The following BAZ2B variants were observed in gnomAD, a reference collection of about 807,000 sequenced individuals.
BAZ2B encodes the protein bromodomain adjacent to zinc finger domain 2B.
BAZ2B carries 91 observed loss-of-function variants against 246.0 expected under a neutral mutation model. The ratio of observed to expected loss-of-function variants is 0.37; its 90% CI spans 0.31 to 0.44. BAZ2B has a LOEUF of 0.44. Ranked by LOEUF, BAZ2B falls within the 20% of genes least tolerant of loss-of-function variation. BAZ2B has a pLI of 1.00. For synonymous variants in BAZ2B, 855 were observed against 860.0 expected (o/e 0.99, Z 0.10); for missense variants, 2,332 against 2,533.7 (o/e 0.92, Z 1.71).
intron 27 of BAZ2B, among the ~76,000 whole-genome samples, chr2:159,364,398 T>C (rs1308100139): frequency 6.6e-6 from 1 of 152,160 alleles, no homozygotes; most frequent in Non-Finnish European, 1.5e-5. Flanking sequence ...TCAGTTGGAC[T>C]TTTTTTCTTT....
intron 1 of BAZ2B, among the ~76,000 whole-genome samples, chr2:159,600,974 CAGAG>C (rs544276832): frequency 1.1e-3 from 166 of 152,252 alleles, no homozygotes; most frequent in Middle Eastern, 6.8e-3. Context: ...CACAGGATTA[CAGAG>C]AGTCATTCTC....
At chr2:159,633,160 T>C in the BAZ2B span, among the ~76,000 whole-genome samples, 1 of 152,120 alleles carries the variant, frequency 6.6e-6, no homozygotes, top group Non-Finnish European at 1.5e-5. Context: ...GTCTTTTTTT[T>C]TTTTTTTAGA....
chr2:159,374,800 T>G, intron 25 of BAZ2B, 47 bp from the exon 26 acceptor site: 1 of 1,531,690 alleles, frequency 6.5e-7, no homozygotes, highest in Non-Finnish European at 9.0e-7. Context: ...TAAGATTTAT[T>G]TATTCAATCA....
intron 2 of BAZ2B, among the ~76,000 whole-genome samples, chr2:159,539,301 C>T (rs2086377729): frequency 6.6e-6 from 1 of 152,130 alleles, no homozygotes; most frequent in Admixed American, 6.5e-5. Context: ...GAACATAATG[C>T]TTATTAAATC....
In BAZ2B at chr2:159,347,659, A is replaced by G. The variant is rs2068107118; in HGVS notation, c.5294-13T>C. ...TCAATAATAGCAACTACATTTAAAAAGAAATTAATTTAAAAATCCACTTAT... is the reference window on the plus strand; with the variant it reads ...TCAATAATAGCAACTACATTTAAAAGGAAATTAATTTAAAAATCCACTTAT... On this transcript the variant is annotated splice_polypyrimidine_tract_variant and intron_variant, in intron 30 of 36. Transcript: ENST00000392783. 2 of 1,577,848 alleles carry G rather than the reference A, an allele frequency of 1.3e-6. No homozygotes were observed. Among genetic ancestry groups the G allele is most frequent in the Admixed American group, 3.5e-5 (2 of 56,458 alleles).
chr2:159,355,036 G>A (rs114126927), intron 27 of BAZ2B, among the ~76,000 whole-genome samples: 254 of 152,296 alleles, frequency 1.7e-3, no homozygotes, highest in Admixed American at 3.5e-3. Flanking sequence ...GTTCTCACGG[G>A]ATTCTGGGGG....
At chr2:159,407,234 G>T (rs888083479) in intron 14 of BAZ2B, among the ~76,000 whole-genome samples, 1 of 151,952 alleles carries the variant, frequency 6.6e-6, no homozygotes, top group African/African-American at 2.4e-5. Flanking sequence ...CACTTTGGGA[G>T]GCTGAGGTAG....
the BAZ2B span, chr2:159,689,650 G>A: frequency 6.6e-6 from 2 of 303,052 alleles, no homozygotes; most frequent in South Asian, 3.3e-5. Flanking sequence ...GGGATTAGAG[G>A]CATGAGCCAC....
chr2:159,640,900 A>G, the BAZ2B span, among the ~76,000 whole-genome samples: 2 of 152,036 alleles, frequency 1.3e-5, no homozygotes, highest in African/African-American at 4.8e-5. Context: ...TAAAGCTCAG[A>G]GAAGAAATAA....
chr2:159,621,972 G>A, the BAZ2B span, among the ~76,000 whole-genome samples: 2 of 152,116 alleles, frequency 1.3e-5, no homozygotes, highest in African/African-American at 4.8e-5. Flanking sequence ...CAAGCGTGGT[G>A]GCACATGCCT....
chr2:159,568,564 A>T (rs1390303202), intron 1 of BAZ2B, among the ~76,000 whole-genome samples: 1 of 152,196 alleles, frequency 6.6e-6, no homozygotes, highest in Non-Finnish European at 1.5e-5. Context: ...GTTAAAAAAA[A>T]AAAAGCTCTT....
At chr2:159,371,929 A>G (rs969412963) in intron 27 of BAZ2B, among the ~76,000 whole-genome samples, 14 of 152,256 alleles carry the variant, frequency 9.2e-5, no homozygotes, top group African/African-American at 3.4e-4. Flanking sequence ...AAGCAAGTAT[A>G]CAGAACAGAG....
Position 159,320,481 on chromosome 2 carries a change from A to C in BAZ2B, c.6354-63T>G, listed in dbSNP as rs983304589. The C allele has an allele frequency of 2.9e-6, 4 of 1,377,992 alleles. No individual in the cohort carries two copies. The African/African-American group carries it at 6.1e-5, about 21-fold the overall frequency. 85.4% of individuals were successfully genotyped at this position (1,377,992 alleles called of 1,614,324 possible). On this transcript the variant is annotated intron_variant, in intron 36 of 36. Transcript: ENST00000392783. The stretch of plus-strand genomic sequence containing the variant: ...AGTGGATTTGTTTTGTAAACAAATG[A>C]AGAGTTAATAAAGGGTAAAAATGAA...
chr2:159,579,895 A>C (rs1686309379), intron 1 of BAZ2B, among the ~76,000 whole-genome samples: 1 of 152,180 alleles, frequency 6.6e-6, no homozygotes, highest in Non-Finnish European at 1.5e-5. Context: ...CTCTCAATAA[A>C]CTAGGTATTG....
At chr2:159,456,463 G>T (rs62173206) in intron 3 of BAZ2B, among the ~76,000 whole-genome samples, 11,155 of 152,088 alleles carry the variant, frequency 0.073, 550 homozygotes, top group Middle Eastern at 0.16. Context: ...TGGCAACAAT[G>T]AAGAACCAAT....
intron 1 of BAZ2B, among the ~76,000 whole-genome samples, chr2:159,614,791 C>T (rs1695521700): frequency 6.6e-6 from 1 of 152,086 alleles, no homozygotes; most frequent in Non-Finnish European, 1.5e-5. Context: ...TTATCAGTAA[C>T]CTGTAAGTTA....
intron 13 of BAZ2B, among the ~76,000 whole-genome samples, chr2:159,415,242 C>T (rs1389165795): frequency 6.6e-6 from 1 of 151,786 alleles, no homozygotes; most frequent in Non-Finnish European, 1.5e-5. Context: ...GTCAGGAGTT[C>T]AAGACCAGCC....
rs1437026266 is a variant in BAZ2B at position 159,412,387 on chromosome 2, A to G, written c.2625T>C (p.Ala875=). 3 of 1,614,146 alleles carry G rather than the reference A, an allele frequency of 1.9e-6. No individual in the cohort carries two copies. Among genetic ancestry groups the G allele is most frequent in the Non-Finnish European group, 2.5e-6 (3 of 1,180,002 alleles). The change falls in exon 14 of 37, where the codon GCT becomes GCC. Residue 875 remains alanine (A), a synonymous_variant. Coordinates refer to ENST00000392783, the MANE Select transcript of BAZ2B (RefSeq NM_013450.4). ...RKGRPPNVGN[A]EFLDNADAKL... is the part of the protein sequence containing the mutation. ...TTGCATCTGCGTTATCTAGGAATTC[A>G]GCATTGCCAACATTTGGAGGTCGAC...
intron 3 of BAZ2B, chr2:159,463,020 A>G (rs975028396): frequency 2.7e-6 from 2 of 750,094 alleles, no homozygotes; most frequent in South Asian, 1.5e-5. Context: ...CAGGTCCCCC[A>G]TGCTCTGTAA....
Sources: gnomAD v4.1 joint callset for allele counts (sites outside exome capture counted in the v4.1 genomes callset) on GRCh38, gnomAD v4.1.1 for gene constraint, MANE v1.5 for transcripts, NCBI Gene and HGNC (gene_info 2026-07-23, HGNC 2026-07-21) for gene names.